FRMD4A: variants seen among roughly 807,000 people sequenced by gnomAD.
The protein encoded by FRMD4A is FERM domain-containing protein 4A.
A neutral mutation model predicts 129.1 loss-of-function variants in FRMD4A; 29 were observed. The ratio of observed to expected loss-of-function variants is 0.22; its 90% CI spans 0.17 to 0.31. The LOEUF is 0.31. Among genes scored for constraint, FRMD4A ranks in the 10% least tolerant of loss-of-function variants. FRMD4A has a pLI of 1.00. For synonymous variants in FRMD4A, 634 were observed against 571.6 expected (o/e 1.11, Z -1.56); for missense variants, 1,272 against 1,375.8 (o/e 0.92, Z 1.19).
intron 2 of FRMD4A, among the ~76,000 whole-genome samples, chr10:14,293,217 T>C (rs943093726): frequency 6.6e-6 from 1 of 152,216 alleles, no homozygotes; most frequent in Non-Finnish European, 1.5e-5. Flanking sequence ...ATTATTATCA[T>C]GGGAGTCAGT....
At chr10:13,680,137 C>A (rs149873370) in intron 15 of FRMD4A, among the ~76,000 whole-genome samples, 1 of 152,158 alleles carries the variant, frequency 6.6e-6, no homozygotes, top group Non-Finnish European at 1.5e-5. Context: ...CAGGGCAGAG[C>A]CTTAGGGCTC....
chr10:13,982,281 C>T (rs192778418), intron 2 of FRMD4A, among the ~76,000 whole-genome samples: 278 of 151,946 alleles, frequency 1.8e-3, no homozygotes, highest in African/African-American at 6.1e-3. Flanking sequence ...CCCAGGAGTT[C>T]GAGGCCACCC....
intron 2 of FRMD4A, among the ~76,000 whole-genome samples, chr10:14,055,856 T>G (rs1489118721): frequency 2.6e-5 from 4 of 152,256 alleles, no homozygotes; most frequent in African/African-American, 9.6e-5. Context: ...GTCTTTTCGT[T>G]ATTTTAACAT....
At chr10:13,765,305 T>C (rs370867133) in intron 6 of FRMD4A, among the ~76,000 whole-genome samples, 8 of 151,866 alleles carry the variant, frequency 5.3e-5, no homozygotes, top group East Asian at 3.9e-4. Context: ...TTAGTAGAGA[T>C]GGGATTTCAC....
chr10:14,025,735 C>T (rs1832959065), intron 2 of FRMD4A, among the ~76,000 whole-genome samples: 1 of 152,192 alleles, frequency 6.6e-6, no homozygotes, highest in African/African-American at 2.4e-5. Flanking sequence ...CTTAGTGTCT[C>T]TATCAATTTG....
intron 9 of FRMD4A, among the ~76,000 whole-genome samples, chr10:13,743,609 TGTCCTGACCACAGG>T (rs2091133243): frequency 6.6e-6 from 1 of 152,168 alleles, no homozygotes; most frequent in Non-Finnish European, 1.5e-5. Context: ...AACCACGACA[TGTCCTGACCACAGG>T]GTTCTGGGTG....
chr10:14,050,690 A>T (rs1229016139), intron 2 of FRMD4A, among the ~76,000 whole-genome samples: 2 of 152,064 alleles, frequency 1.3e-5, no homozygotes, highest in Non-Finnish European at 2.9e-5. Context: ...ATGGCCAATG[A>T]TTTAACCAAC....
intron 11 of FRMD4A, among the ~76,000 whole-genome samples, chr10:13,739,319 G>A (rs2090849832): frequency 6.6e-6 from 1 of 152,176 alleles, no homozygotes; most frequent in African/African-American, 2.4e-5. Context: ...CGGTTTCAGA[G>A]AACAGAACAA....
intron 2 of FRMD4A, chr10:13,972,271 A>G (rs1465649752): frequency 4.0e-6 from 4 of 990,036 alleles, no homozygotes; most frequent in Non-Finnish European, 4.8e-6. Context: ...CATTCCCCAG[A>G]CATTCCATCC....
At chr10:13,947,299 C>T (rs2926876) in intron 2 of FRMD4A, among the ~76,000 whole-genome samples, 114,931 of 152,076 alleles carry the variant, frequency 0.76, 43,772 homozygotes, top group East Asian at 0.93. Flanking sequence ...TTCACCAGAC[C>T]GCTATCATTC....
rs553906422 is a variant in FRMD4A at position 13,982,015 on chromosome 10, T to G, written c.46-123103A>C. 1.3e-3 allele frequency among the ~76,000 whole-genome samples: 199 copies of G among 152,194 alleles called. 2 individuals carry two copies. The South Asian group carries it at 0.02, about 15-fold the overall frequency. ...CTCTCTGACCTTTTCCCATCTCTGA[T>G]CCTCCCGTCTCTGGCCCCTCATCCT... is the stretch of plus-strand genomic sequence containing the variant. On this transcript the variant is annotated intron_variant, in intron 2 of 24. Transcript: ENST00000357447.
intron 12 of FRMD4A, among the ~76,000 whole-genome samples, chr10:13,729,099 C>T (rs145310273): frequency 1.4e-4 from 22 of 152,400 alleles, no homozygotes; most frequent in Non-Finnish European, 3.1e-4. Flanking sequence ...CGCCCCCGCC[C>T]GCCCCCGCGG....
rs543893060 is a variant in FRMD4A, at chr10:14,089,033, G to A, written c.46-230121C>T. Among the ~76,000 whole-genome samples the A allele has an allele frequency of 1.4e-4, 22 of 152,248 alleles. No individual in the cohort carries two copies. In the East Asian group the frequency reaches 4.1e-3, roughly 28 times the overall value. ...CCAGAAGGGGCGAAGATAAGCGCAG[G>A]GGTGGGATGGGGGCTGCTGAGCAGA... On this transcript the variant is annotated intron_variant, in intron 2 of 24. Coordinates refer to ENST00000357447, the MANE Select transcript of FRMD4A (RefSeq NM_018027.5).
At chr10:13,948,118 G>T (rs1297366869) in intron 2 of FRMD4A, among the ~76,000 whole-genome samples, 2 of 151,324 alleles carry the variant, frequency 1.3e-5, no homozygotes, top group African/African-American at 4.9e-5. Context: ...AAGCAAATAT[G>T]GTTCTCATTA....
intron 2 of FRMD4A, among the ~76,000 whole-genome samples, chr10:14,314,752 C>T (rs1293670231): frequency 6.6e-6 from 1 of 152,084 alleles, no homozygotes; most frequent in East Asian, 1.9e-4. Flanking sequence ...AAAATCTCTC[C>T]CTGGTTTCGT....
intron 2 of FRMD4A, among the ~76,000 whole-genome samples, chr10:14,275,530 A>G (rs1845307995): frequency 6.6e-6 from 1 of 152,256 alleles, no homozygotes; most frequent in African/African-American, 2.4e-5. Context: ...AAAGGGAGAA[A>G]GGATGAAGAA....
intron 2 of FRMD4A, among the ~76,000 whole-genome samples, chr10:13,868,937 A>C (rs1407849828): frequency 6.6e-6 from 1 of 152,226 alleles, no homozygotes; most frequent in Non-Finnish European, 1.5e-5. Flanking sequence ...ATATTGATGT[A>C]ATAGAAAATG....
At chr10:13,665,545 G>A (rs1398154292) in intron 18 of FRMD4A, among the ~76,000 whole-genome samples, 3 of 152,202 alleles carry the variant, frequency 2.0e-5, no homozygotes, top group African/African-American at 7.2e-5. Flanking sequence ...ATTTACCAAA[G>A]GTCATCACCC....
intron 2 of FRMD4A, among the ~76,000 whole-genome samples, chr10:13,876,228 A>G (rs994761207): frequency 6.6e-6 from 1 of 152,238 alleles, no homozygotes; most frequent in African/African-American, 2.4e-5. Context: ...GCACAGCTAG[A>G]AACAAAGAGT....
Sources: gnomAD v4.1 joint callset for allele counts (sites outside exome capture counted in the v4.1 genomes callset) on GRCh38, gnomAD v4.1.1 for gene constraint, MANE v1.5 for transcripts, NCBI Gene and HGNC (gene_info 2026-07-23, HGNC 2026-07-21) for gene names.